The following PTPRG variants were observed in gnomAD, a reference collection of about 807,000 sequenced individuals.
PTPRG encodes the protein receptor-type tyrosine-protein phosphatase gamma.
Under a neutral mutation model 165.3 loss-of-function variants are expected in PTPRG, and 102 were observed. The ratio of observed to expected loss-of-function variants is 0.62; its 90% confidence interval spans 0.53 to 0.73. The LOEUF is 0.73. Among genes scored for constraint, PTPRG ranks in the 30% least tolerant of loss-of-function variants. PTPRG has a pLI of 0.00. For synonymous variants in PTPRG, 675 were observed against 669.5 expected (o/e 1.01, Z -0.13); for missense variants, 1,866 against 1,861.4 (o/e 1.00, Z -0.05).
chr3:61,610,741 GCCTCCCTGCCTC>G (rs897498715), intron 1 of PTPRG, among the ~76,000 whole-genome samples: 3 of 79,158 alleles, frequency 3.8e-5, no homozygotes, highest in African/African-American at 1.4e-4. Context: ...TTGCCTTCCT[GCCTCCCTGCCTC>G]CCTCCCTCCC....
Position 62,255,097 on chromosome 3 carries a change from C to T in PTPRG, c.2468-27C>T. The T allele has an allele frequency of 6.3e-7, 1 of 1,579,146 alleles. No homozygotes were observed. The highest frequency in any genetic ancestry group is 8.7e-7 in the Non-Finnish European group (1 of 1,153,610). On this transcript the variant is annotated intron_variant, in intron 15 of 29. Transcript: ENST00000474889. This position sits in a 1 kb window ranked among gnomAD's most constrained non-coding sequence, Gnocchi z 4.0. ...TGTTTTATGGAAGTATTCTATGTAACTTTGAATATTATTTTATTCCCCCCA... is the reference window on the plus strand; with the variant it reads ...TGTTTTATGGAAGTATTCTATGTAATTTTGAATATTATTTTATTCCCCCCA...
At chr3:61,906,711 T>C (rs967424282) in intron 2 of PTPRG, among the ~76,000 whole-genome samples, 1 of 152,110 alleles carries the variant, frequency 6.6e-6, no homozygotes, top group African/African-American at 2.4e-5. Context: ...GTCTGGGAGA[T>C]CAAGTCTGCA....
chr3:62,194,014 G>A (rs1202923512), intron 9 of PTPRG, among the ~76,000 whole-genome samples: 2 of 152,120 alleles, frequency 1.3e-5, no homozygotes, highest in African/African-American at 2.4e-5. Flanking sequence ...TGAGGAAGAG[G>A]GACCTGGATT....
In PTPRG at chr3:62,255,128, C is replaced by G. The variant is rs1368745139; in HGVS notation, c.2472C>G (p.Asp824Glu). 6.2e-7 allele frequency: 1 copy of G among 1,611,590 alleles called. No individual in the cohort carries two copies. Among genetic ancestry groups the G allele is most frequent in the Non-Finnish European group, 8.5e-7 (1 of 1,178,384 alleles). ...ESIPIIPIPD[D>E]MEAIPVKQFV... is the part of the protein sequence containing the mutation. ...ATATTATTTTATTCCCCCCAGATGA[C>G]ATGGAAGCCATTCCTGTCAAACAGT... is the stretch of plus-strand genomic sequence containing the variant. Residue 824 changes from aspartate (D) to glutamate (E), a missense_variant, in exon 16 of 30, where the codon GAC becomes GAG. By Grantham distance (45) the Asp-to-Glu change is conservative. Transcript: ENST00000474889. The surrounding 1 kb of genome is among the most constrained non-coding windows in gnomAD (Gnocchi z 4.0).
intron 2 of PTPRG, among the ~76,000 whole-genome samples, chr3:61,792,262 G>A (rs1160603095): frequency 6.6e-6 from 1 of 152,064 alleles, no homozygotes; most frequent in African/African-American, 2.4e-5. Flanking sequence ...GTGCAGTGGT[G>A]CCATCACAAC....
intron 4 of PTPRG, among the ~76,000 whole-genome samples, chr3:62,045,316 A>G (rs1469712584): frequency 6.6e-6 from 1 of 152,162 alleles, no homozygotes; most frequent in African/African-American, 2.4e-5. Context: ...TAAAAATAGC[A>G]TTTTCTCATT....
intron 2 of PTPRG, among the ~76,000 whole-genome samples, chr3:61,811,024 A>G (rs1420560414): frequency 6.6e-6 from 1 of 152,046 alleles, no homozygotes; most frequent in African/African-American, 2.4e-5. Flanking sequence ...GGTGAGGTAG[A>G]CCTGATGATT....
At chr3:62,008,848 C>G (rs761489417) in intron 4 of PTPRG, among the ~76,000 whole-genome samples, 33 of 152,304 alleles carry the variant, frequency 2.2e-4, no homozygotes, top group Non-Finnish European at 3.4e-4. Context: ...GGAGGCAGAG[C>G]TCAGGTGGTA....
chr3:61,640,919 A>G (rs1702041487), intron 1 of PTPRG, among the ~76,000 whole-genome samples: 1 of 152,168 alleles, frequency 6.6e-6, no homozygotes, highest in African/African-American at 2.4e-5. Context: ...CCATCAGAAG[A>G]GAAACTGTTG....
chr3:62,188,240 T>G (rs1253201710), intron 8 of PTPRG, among the ~76,000 whole-genome samples: 1 of 152,082 alleles, frequency 6.6e-6, no homozygotes, highest in Admixed American at 6.5e-5. Flanking sequence ...CTAAGTGTGG[T>G]GGTATGCACC....
intron 2 of PTPRG, among the ~76,000 whole-genome samples, chr3:61,947,077 A>G (rs780385980): frequency 6.6e-5 from 10 of 152,200 alleles, no homozygotes; most frequent in South Asian, 2.1e-4. Flanking sequence ...TCTTTTAACA[A>G]TAGCCAAAGT....
intron 4 of PTPRG, among the ~76,000 whole-genome samples, chr3:62,009,136 T>C (rs2041360527): frequency 6.6e-6 from 1 of 152,226 alleles, no homozygotes; most frequent in Admixed American, 6.5e-5. Flanking sequence ...AAGAACAAAA[T>C]ACCTTTTTGT....
chr3:61,818,036 C>A (rs142008835), intron 2 of PTPRG, among the ~76,000 whole-genome samples: 113 of 150,792 alleles, frequency 7.5e-4, no homozygotes. Flanking sequence ...TTTGGAATCA[C>A]TTTGTGAAAA....
intron 2 of PTPRG, among the ~76,000 whole-genome samples, chr3:61,960,064 A>G (rs1262790207): frequency 6.6e-6 from 1 of 152,138 alleles, no homozygotes; most frequent in Non-Finnish European, 1.5e-5. Flanking sequence ...GAGTCGCTGT[A>G]TTCTGTAGGG....
intron 4 of PTPRG, among the ~76,000 whole-genome samples, chr3:62,059,610 G>A (rs1182888693): frequency 6.6e-6 from 1 of 152,220 alleles, no homozygotes; most frequent in Non-Finnish European, 1.5e-5. Flanking sequence ...GGCCCAGGCA[G>A]ACAGATTGCA....
intron 1 of PTPRG, among the ~76,000 whole-genome samples, chr3:61,620,877 C>T (rs1701429844): frequency 6.6e-6 from 1 of 151,926 alleles, no homozygotes; most frequent in South Asian, 2.1e-4. Flanking sequence ...GATCCTCCCA[C>T]CTCAGCCTCC....
At chr3:61,710,580 G>A (rs1054555250) in intron 1 of PTPRG, among the ~76,000 whole-genome samples, 2 of 152,036 alleles carry the variant, frequency 1.3e-5, no homozygotes, top group South Asian at 2.1e-4. Context: ...ACACAAATTC[G>A]TAAACTTTCT....
chr3:61,898,417 T>C (rs762643418), intron 2 of PTPRG, among the ~76,000 whole-genome samples: 8 of 152,222 alleles, frequency 5.3e-5, no homozygotes, highest in Admixed American at 1.3e-4. Context: ...CTTATGCTGC[T>C]GCTTTTTTCT....
In PTPRG at chr3:61,949,740, T is replaced by G. The variant is rs34161955; in HGVS notation, c.191-39885T>G. 4.5e-3 allele frequency among the ~76,000 whole-genome samples: 524 copies of G among 116,784 alleles called. 5 individuals carry two copies. In the South Asian group the frequency reaches 0.053, roughly 12 times the overall value. The allele number at this position is 116,784 out of a possible 152,430, so 76.6% of individuals were successfully genotyped here. On this transcript the variant is annotated intron_variant, in intron 2 of 29. Transcript: ENST00000474889. ...CCTTTGGATTCTTTGTTTTTTTTTTTTTTGTTTGTTTGTTTTGGAGAAGAA... is the reference window on the plus strand; with the variant it reads ...CCTTTGGATTCTTTGTTTTTTTTTTGTTTGTTTGTTTGTTTTGGAGAAGAA...
Sources: gnomAD v4.1 joint callset for allele counts (sites outside exome capture counted in the v4.1 genomes callset) on GRCh38, gnomAD v4.1.1 for gene constraint, Gnocchi (gnomAD v3.1) non-coding constraint, MANE v1.5 for transcripts, NCBI Gene and HGNC (gene_info 2026-07-23, HGNC 2026-07-21) for gene names.